Variants in TMEM117 observed in about 807,000 individuals in gnomAD.
The protein encoded by TMEM117 is transmembrane protein 117.
In TMEM117, 27 loss-of-function variants were observed where a neutral mutation model predicts 52.4. That is an observed-to-expected ratio of 0.51 (90% CI 0.38 to 0.71). The LOEUF is 0.71. Among genes scored for constraint, TMEM117 ranks in the 30% least tolerant of loss-of-function variants. The probability of loss-of-function intolerance (pLI) is 0.00; values close to 1 mark genes in which losing one functional copy is unlikely to be tolerated. For missense variants in TMEM117, 556 were observed against 630.5 expected (o/e 0.88, Z 1.26); for synonymous variants, 215 against 206.3 (o/e 1.04, Z -0.36).
chr12:43,948,277 C>T (rs1446403516), intron 3 of TMEM117, among the ~76,000 whole-genome samples: 1 of 152,070 alleles, frequency 6.6e-6, no homozygotes, highest in African/African-American at 2.4e-5. Context: ...GTTCCTTATA[C>T]CACTAAAATG....
intron 2 of TMEM117, among the ~76,000 whole-genome samples, chr12:43,874,986 T>C (rs1215297226): frequency 6.6e-6 from 1 of 152,166 alleles, no homozygotes; most frequent in East Asian, 1.9e-4. Flanking sequence ...ACATTTGACA[T>C]TTGATAAGTA....
At chr12:44,336,715 T>G (rs566170717) in intron 6 of TMEM117, among the ~76,000 whole-genome samples, 1 of 152,080 alleles carries the variant, frequency 6.6e-6, no homozygotes, top group East Asian at 1.9e-4. Flanking sequence ...ATAGGGGTTT[T>G]TTTTTGGAAA....
chr12:44,147,363 C>T (rs957285504), intron 4 of TMEM117, among the ~76,000 whole-genome samples: 1 of 152,144 alleles, frequency 6.6e-6, no homozygotes, highest in African/African-American at 2.4e-5. Flanking sequence ...GCCATTGCTG[C>T]TTCAGCTTCT....
chr12:43,887,001 C>T (rs879341889), intron 2 of TMEM117, among the ~76,000 whole-genome samples: 3 of 152,104 alleles, frequency 2.0e-5, no homozygotes, highest in African/African-American at 4.8e-5. Flanking sequence ...GCACATGCCA[C>T]GACAACCAGC....
chr12:43,820,748 C>T, the TMEM117 span, among the ~76,000 whole-genome samples: 2 of 152,144 alleles, frequency 1.3e-5, no homozygotes, highest in Non-Finnish European at 2.9e-5. Context: ...AAATTAGTCT[C>T]AAACACACAT....
intron 7 of TMEM117, among the ~76,000 whole-genome samples, chr12:44,381,659 A>G (rs1952022431): frequency 6.6e-6 from 1 of 152,186 alleles, no homozygotes; most frequent in South Asian, 2.1e-4. Flanking sequence ...GTAGAAGTAA[A>G]CAAGCCTGTA....
intron 2 of TMEM117, among the ~76,000 whole-genome samples, chr12:43,871,520 A>G (rs1254158307): frequency 3.9e-5 from 6 of 152,110 alleles, no homozygotes; most frequent in Admixed American, 3.9e-4. Flanking sequence ...TTTGCTGTCC[A>G]TGTGTATGTC....
intron 3 of TMEM117, among the ~76,000 whole-genome samples, chr12:44,080,170 G>A (rs1001874280): frequency 2.0e-5 from 3 of 152,036 alleles, no homozygotes; most frequent in African/African-American, 4.8e-5. Flanking sequence ...TTCTCACACT[G>A]CTAATAAAGA....
chr12:43,956,944 A>G (rs1945318243), intron 3 of TMEM117, among the ~76,000 whole-genome samples: 1 of 152,246 alleles, frequency 6.6e-6, no homozygotes, highest in African/African-American at 2.4e-5. Context: ...AAAATGTGGT[A>G]CATACACACC....
chr12:44,089,218 A>G (rs989689758), intron 3 of TMEM117, among the ~76,000 whole-genome samples: 1 of 152,232 alleles, frequency 6.6e-6, no homozygotes, highest in Non-Finnish European at 1.5e-5. Context: ...TAGAAGTGGT[A>G]TAAAAAACTC....
At chr12:43,928,755 C>CA (rs1357349424) in intron 2 of TMEM117, among the ~76,000 whole-genome samples, 20 of 127,842 alleles carry the variant, frequency 1.6e-4, no homozygotes, top group Non-Finnish European at 2.7e-4. Flanking sequence ...TCCCCCCACC[C>CA]CACAACAGTC....
intron 2 of TMEM117, among the ~76,000 whole-genome samples, chr12:43,930,616 T>A (rs1389796046): frequency 2.6e-5 from 4 of 152,212 alleles, no homozygotes. Context: ...CTTCAAACAG[T>A]GGCCTTCATT....
At chr12:44,315,665 TGA>T (rs1232437738) in intron 6 of TMEM117, among the ~76,000 whole-genome samples, 1 of 152,190 alleles carries the variant, frequency 6.6e-6, no homozygotes, top group African/African-American at 2.4e-5. Flanking sequence ...GCTTTATGGC[TGA>T]GCACTATTGT....
At chr12:44,141,259 G>A (rs776647201) in intron 3 of TMEM117, among the ~76,000 whole-genome samples, 1 of 151,990 alleles carries the variant, frequency 6.6e-6, no homozygotes, top group Non-Finnish European at 1.5e-5. Context: ...TTAAGTTCAG[G>A]AGTACATGTG....
chr12:43,880,774 C>G lies in TMEM117; in HGVS notation c.277+35846C>G, dbSNP rs114079045. On this transcript the variant is annotated intron_variant, in intron 2 of 7. Transcript: ENST00000266534. Reference sequence around the variant, plus strand: ...AAAAGAAACAAGGTTGTCTTTTAAACTGTGCTCTTGCTTGACAGGAAAAAT... The same window carrying G: ...AAAAGAAACAAGGTTGTCTTTTAAAGTGTGCTCTTGCTTGACAGGAAAAAT... Among the ~76,000 whole-genome samples the G allele has an allele frequency of 1.9e-3, 283 of 152,324 alleles. 2 individuals are homozygous for G. The highest frequency in any genetic ancestry group is 6.5e-3 in the African/African-American group (270 of 41,590).
At position 44,353,538 on chromosome 12, in the gene TMEM117, A is replaced by G. The variant is rs897381817; in HGVS notation, c.769-23057A>G. 2.3e-3 allele frequency among the ~76,000 whole-genome samples: 350 copies of G among 152,068 alleles called. 1 individual carries two copies. Among genetic ancestry groups the G allele is most frequent in the African/African-American group, 7.9e-3 (328 of 41,512 alleles). On this transcript the variant is annotated intron_variant, in intron 6 of 7. Transcript: ENST00000266534. ...ATGGCTAGCCAGTTTTCCCAGCACC[A>G]TTTATTAAATAGGGAATCCTTTCCC...
At chr12:44,398,119 T>G in the TMEM117 span, among the ~76,000 whole-genome samples, 1 of 148,016 alleles carries the variant, frequency 6.8e-6, no homozygotes, top group Non-Finnish European at 1.5e-5. Flanking sequence ...GTTTTTTTTT[T>G]AAACCTAAGG....
rs538379876 is a variant in TMEM117, at chr12:44,028,621, C to T, written c.410+84279C>T. Among the ~76,000 whole-genome samples, 185 of 152,256 alleles carry T rather than the reference C, an allele frequency of 1.2e-3. 1 individual carries two copies. Among genetic ancestry groups the T allele is most frequent in the Middle Eastern group, 3.4e-3 (1 of 292 alleles). On this transcript the variant is annotated intron_variant, in intron 3 of 7. Transcript: ENST00000266534. ...TGACAGTTTACAAATGCCATGGCAG[C>T]GTCAGGAAGTTACCCTATATGGTCT...
chr12:44,144,054 T>C (rs775307322), intron 4 of TMEM117, among the ~76,000 whole-genome samples: 3 of 151,782 alleles, frequency 2.0e-5, no homozygotes, highest in South Asian at 2.1e-4. Context: ...GAAGACCATA[T>C]GAAATATTTT....
Sources: allele counts gnomAD v4.1 joint callset (sites outside exome capture counted in the v4.1 genomes callset), GRCh38; gene constraint gnomAD v4.1.1; transcripts MANE v1.5; gene names NCBI Gene and HGNC (gene_info 2026-07-23, HGNC 2026-07-21).